The following VWA3B variants were observed in gnomAD, a reference collection of about 807,000 sequenced individuals.
The protein encoded by VWA3B is von Willebrand factor A domain containing 3B.
Under a neutral mutation model 158.3 loss-of-function variants are expected in VWA3B, and 138 were observed. That is an observed-to-expected ratio of 0.87 (90% CI 0.76 to 1.00). The LOEUF is 1.00. Ranked by LOEUF, VWA3B falls within the 50% of genes least tolerant of loss-of-function variation. VWA3B has a pLI of 0.00. For missense variants in VWA3B, 1,555 were observed against 1,565.1 expected (o/e 0.99, Z 0.11); for synonymous variants, 596 against 587.3 (o/e 1.01, Z -0.21).
At chr2:98,143,425 A>G (rs1676935652) in intron 7 of VWA3B, among the ~76,000 whole-genome samples, 1 of 152,222 alleles carries the variant, frequency 6.6e-6, no homozygotes, top group Admixed American at 6.5e-5. Context: ...TTAAAGTTAT[A>G]TATGTGGTTC....
chr2:98,157,903 C>T (rs1490822806), intron 7 of VWA3B, among the ~76,000 whole-genome samples: 3 of 152,182 alleles, frequency 2.0e-5, no homozygotes, highest in African/African-American at 4.8e-5. Flanking sequence ...GGATCAGCAC[C>T]GCACCTGCCT....
chr2:98,236,318 C>T lies in VWA3B; in HGVS notation c.2429-72C>T, dbSNP rs879234699. 89 of 1,497,888 alleles carry T rather than the reference C, an allele frequency of 5.9e-5. 1 individual carries two copies. In the South Asian group the frequency reaches 9.7e-4, roughly 16 times the overall value. 92.8% of individuals were successfully genotyped at this position (1,497,888 alleles called of 1,614,324 possible). ...TCAGTCACAGCTGGACTGAGACAAG[C>T]GTGATCCCTTTGCATTTTATGTAAA... On this transcript the variant is annotated intron_variant, in intron 17 of 27. Transcript: ENST00000477737.
At chr2:98,323,208 A>G in the VWA3B span, among the ~76,000 whole-genome samples, 4 of 152,232 alleles carry the variant, frequency 2.6e-5, no homozygotes, top group African/African-American at 4.8e-5. Flanking sequence ...AAGAGTATCA[A>G]TGAAGAAATG....
chr2:98,324,131 T>A, the VWA3B span, among the ~76,000 whole-genome samples: 2 of 150,984 alleles, frequency 1.3e-5, no homozygotes, highest in South Asian at 4.2e-4. Flanking sequence ...CAAGGAGCCA[T>A]AGATTTTGTG....
At chr2:98,169,341 A>G (rs1301900047) in intron 8 of VWA3B, among the ~76,000 whole-genome samples, 2 of 152,210 alleles carry the variant, frequency 1.3e-5, no homozygotes, top group African/African-American at 4.8e-5. Flanking sequence ...TAGTACTTGA[A>G]GTTAGACTAT....
intron 21 of VWA3B, among the ~76,000 whole-genome samples, chr2:98,260,617 T>A (rs1232579877): frequency 6.6e-6 from 1 of 151,582 alleles, no homozygotes; most frequent in Non-Finnish European, 1.5e-5. Context: ...CCATAGGGGG[T>A]GCTAGAACCA....
rs376008939 is a variant in VWA3B at position 98,179,633 on chromosome 2, T to C, written c.1115-1383T>C. ...CAGAGCATTTTCACGTGACCTACCT[T>C]CCTTCCTTTCTTCCTTTCTTTCTCT... On this transcript the variant is annotated intron_variant, in intron 8 of 27. Transcript: ENST00000477737. 3.3e-5 allele frequency among the ~76,000 whole-genome samples: 5 copies of C among 152,184 alleles called. No individual in the cohort carries two copies. The East Asian group carries it at 7.7e-4, about 24-fold the overall frequency.
At chr2:98,134,492 C>T (rs993169541) in intron 7 of VWA3B, among the ~76,000 whole-genome samples, 2 of 152,124 alleles carry the variant, frequency 1.3e-5, no homozygotes, top group Non-Finnish European at 2.9e-5. Context: ...GGGAAATAGG[C>T]TGTGATTCAG....
At chr2:98,144,607 C>T (rs2105124785) in intron 7 of VWA3B, among the ~76,000 whole-genome samples, 1 of 151,724 alleles carries the variant, frequency 6.6e-6, no homozygotes, top group African/African-American at 2.4e-5. Context: ...TGCTCTGTGG[C>T]CCAGGCTGTA....
chr2:98,248,865 T>TC (rs1686591172), intron 19 of VWA3B, among the ~76,000 whole-genome samples: 1 of 29,042 alleles, frequency 3.4e-5, no homozygotes, highest in Non-Finnish European at 5.6e-5. Context: ...CTTTCTTTCT[T>TC]TCTTTCTTTC....
chr2:98,175,105 A>G (rs1679896681), intron 8 of VWA3B, among the ~76,000 whole-genome samples: 1 of 152,210 alleles, frequency 6.6e-6, no homozygotes, highest in South Asian at 2.1e-4. Context: ...GTTGTCAACA[A>G]CAACAAAAAT....
intron 8 of VWA3B, among the ~76,000 whole-genome samples, chr2:98,176,045 C>T (rs879256557): frequency 1.3e-5 from 2 of 152,302 alleles, no homozygotes; most frequent in South Asian, 2.1e-4. Context: ...ACCTGGCTCC[C>T]GGATCTCAGA....
chr2:98,298,100 A>C (rs969599231), intron 24 of VWA3B, 69 bp downstream of exon 24: 1 of 1,364,510 alleles, frequency 7.3e-7, no homozygotes, highest in Admixed American at 2.9e-5. Flanking sequence ...ACAGAACGCC[A>C]AGGCCACTGT....
At chr2:98,313,918 A>G (rs1370612874), downstream of VWA3B, among the ~76,000 whole-genome samples, 1 of 152,236 alleles carries the variant, frequency 6.6e-6, no homozygotes, top group Non-Finnish European at 1.5e-5. Flanking sequence ...AGTTGCAATT[A>G]CAACGGTGAA....
At chr2:98,101,095 C>T (rs1683047101) in intron 2 of VWA3B, among the ~76,000 whole-genome samples, 1 of 152,118 alleles carries the variant, frequency 6.6e-6, no homozygotes, top group South Asian at 2.1e-4. Context: ...CTGGGATGTG[C>T]AAGTCCTTTT....
At chr2:98,257,165 C>CA (rs142169458) in intron 21 of VWA3B, among the ~76,000 whole-genome samples, 5,909 of 151,956 alleles carry the variant, frequency 0.039, 170 homozygotes, top group Middle Eastern at 0.075. Flanking sequence ...ATAAGATCAA[C>CA]TTTTTTTTGT....
At chr2:98,264,695 G>A (rs1687686356) in intron 21 of VWA3B, among the ~76,000 whole-genome samples, 1 of 152,038 alleles carries the variant, frequency 6.6e-6, no homozygotes, top group African/African-American at 2.4e-5. Context: ...CTGTTGTTTG[G>A]TGGAGGGTTC....
chr2:98,245,551 G>C, intron 19 of VWA3B: 4 of 457,030 alleles, frequency 8.8e-6, no homozygotes, highest in Non-Finnish European at 1.8e-5. Flanking sequence ...CTATCACACT[G>C]AAGCACACAA....
At chr2:98,278,829 A>AGAGT (rs746805736) in intron 22 of VWA3B, among the ~76,000 whole-genome samples, 29 of 152,152 alleles carry the variant, frequency 1.9e-4, no homozygotes, top group Non-Finnish European at 3.7e-4. Flanking sequence ...TCCAGGCTTG[A>AGAGT]GAGTGGGGCC....
Sources: allele counts gnomAD v4.1 joint callset (sites outside exome capture counted in the v4.1 genomes callset), GRCh38; gene constraint gnomAD v4.1.1; transcripts MANE v1.5; gene names NCBI Gene and HGNC (gene_info 2026-07-23, HGNC 2026-07-21).